The following KMT2E variants were observed in gnomAD, a reference collection of about 807,000 sequenced individuals.
KMT2E encodes histone reader KMT2E.
KMT2E carries 30 observed loss-of-function variants against 184.6 expected under a neutral mutation model. That is an observed-to-expected ratio of 0.16 (90% CI 0.12 to 0.22). The LOEUF (loss-of-function observed/expected upper bound fraction) is 0.22. Among genes scored for constraint, KMT2E ranks in the 10% least tolerant of loss-of-function variants. KMT2E has a pLI of 1.00. For missense variants in KMT2E, 2,023 were observed against 2,237.4 expected (o/e 0.90, Z 1.93); for synonymous variants, 815 against 776.5 (o/e 1.05, Z -0.82).
At chr7:105,111,214 T>G (rs1799243347) in intron 26 of KMT2E, 1 of 204,590 alleles carries the variant, frequency 4.9e-6, no homozygotes, top group Non-Finnish European at 9.8e-6. Flanking sequence ...CATTTTATCA[T>G]TTAAAAGGAA....
chr7:105,063,868 C>T lies in KMT2E; in HGVS notation c.416+288C>T, dbSNP rs561037844. The T allele has an allele frequency of 5.7e-4, 270 of 470,620 alleles. 1 individual carries two copies. Among genetic ancestry groups the T allele is most frequent in the Non-Finnish European group, 9.7e-4 (247 of 253,804 alleles). The allele number at this position is 470,620 out of a possible 1,614,324, so 29.2% of individuals were successfully genotyped here. A position where few individuals can be genotyped will look rare whatever the true frequency, so the allele number is the denominator to read the frequency against. On this transcript the variant is annotated intron_variant, in intron 5 of 26. Coordinates refer to ENST00000311117, the MANE Select transcript of KMT2E (RefSeq NM_182931.3). ...TAGTAGTACAAGTACATAAACATAG[C>T]AGTAGACAAGATAGAAATGAGAGAA...
chr7:105,044,796 T>G (rs1796029959), intron 3 of KMT2E, among the ~76,000 whole-genome samples: 1 of 152,136 alleles, frequency 6.6e-6, no homozygotes, highest in South Asian at 2.1e-4. Flanking sequence ...CTATCACCGA[T>G]TCTAGGCCAG....
chr7:105,017,090 G>A (rs1189276667), intron 1 of KMT2E, among the ~76,000 whole-genome samples: 1 of 152,182 alleles, frequency 6.6e-6, no homozygotes, highest in Admixed American at 6.5e-5. Flanking sequence ...TGTAAAGATT[G>A]TGCATTTATT....
Position 105,112,695 on chromosome 7 carries a change from C to A in KMT2E, c.4939C>A (p.His1647Asn). The A allele has an allele frequency of 6.2e-7, 1 of 1,613,954 alleles. No homozygotes were observed. The highest frequency in any genetic ancestry group is 8.5e-7 in the Non-Finnish European group (1 of 1,179,980). Residue 1647 changes from histidine (H) to asparagine (N), a missense_variant, in exon 27 of 27, where the codon CAT (histidine) becomes AAT (asparagine). Physicochemically the swap from His to Asn is moderately conservative, Grantham distance 68 (BLOSUM62 1). Coordinates refer to ENST00000311117, the MANE Select transcript of KMT2E (RefSeq NM_182931.3). ...GPHLVQQPNS[H>N]QQHSVAHVVG... ...GCACCTTGTACAACAGCCGAATTCC[C>A]ATCAGCAACACTCTGTAGCACATGT... is the stretch of plus-strand genomic sequence containing the variant.
chr7:105,041,295 C>G (rs1321644334), intron 3 of KMT2E, among the ~76,000 whole-genome samples: 1 of 152,104 alleles, frequency 6.6e-6, no homozygotes, highest in African/African-American at 2.4e-5. Context: ...TTCTGAGAAG[C>G]GATACATTTT....
chr7:105,109,022 T>A lies in KMT2E; in HGVS notation c.3549T>A (p.Ser1183Arg). The A allele has an allele frequency of 6.2e-7, 1 of 1,614,146 alleles. No homozygotes were observed. Among genetic ancestry groups the A allele is most frequent in the South Asian group, 1.1e-5 (1 of 91,084 alleles). The change falls in exon 23 of 27, where the codon AGT (serine) becomes AGA (arginine). Residue 1183 changes from serine (S) to arginine (R), a missense_variant. By Grantham distance (110) the Ser-to-Arg change is moderately radical (BLOSUM62 -1). Transcript: ENST00000311117. ...AGACAGAGAACTTTCCACTCATTAG[T>A]GTATCACCCCATGCAAGTGGAAGCT... ...GSKTENFPLI[S>R]VSPHASGSLS...
At chr7:105,042,985 T>C (rs1015766610) in intron 3 of KMT2E, among the ~76,000 whole-genome samples, 1 of 152,122 alleles carries the variant, frequency 6.6e-6, no homozygotes, top group Admixed American at 6.5e-5. Flanking sequence ...AAATTAGAGG[T>C]TTTACCTAAG....
At chr7:105,056,715 TCAGA>T (rs750649533) in intron 3 of KMT2E, among the ~76,000 whole-genome samples, 16 of 152,236 alleles carry the variant, frequency 1.1e-4, no homozygotes, top group Admixed American at 2.6e-4. Context: ...TTAAGGAGCT[TCAGA>T]CAGAGTATTT....
intron 3 of KMT2E, 27 bp downstream of exon 3, chr7:105,041,050 C>CAA (rs58676744): frequency 0.025 from 16,830 of 667,786 alleles, 20 homozygotes; most frequent in South Asian, 0.04. Context: ...GTTACATAAG[C>CAA]AAAAAAAAAA....
At chr7:105,101,150 CT>C (rs1237827395) in intron 15 of KMT2E, among the ~76,000 whole-genome samples, 2 of 151,982 alleles carry the variant, frequency 1.3e-5, no homozygotes, top group Non-Finnish European at 2.9e-5. Context: ...ATTTTTGAGG[CT>C]TTTTTGTTTT....
At chr7:105,091,560 ATAT>A (rs1798205417) in intron 15 of KMT2E, 4 of 573,054 alleles carry the variant, frequency 7.0e-6, no homozygotes, top group Non-Finnish European at 1.2e-5. Context: ...GGAAGTAATA[ATAT>A]TTTAATAATG....
At chr7:105,034,220 G>GTGGT (rs1795541383) in intron 1 of KMT2E, among the ~76,000 whole-genome samples, 1 of 152,106 alleles carries the variant, frequency 6.6e-6, no homozygotes, top group African/African-American at 2.4e-5. Context: ...ACAATGTCCT[G>GTGGT]ACTAGTGTGT....
Position 105,110,462 on chromosome 7 carries a change from C to T in KMT2E, c.3845-15C>T, listed in dbSNP as rs1799175392. The T allele has an allele frequency of 6.2e-7, 1 of 1,614,136 alleles. No individual in the cohort carries two copies. The highest frequency in any genetic ancestry group is 1.3e-5 in the African/African-American group (1 of 75,020). ...CTCTAATGTTCTCTTTGGGTCTGCT[C>T]TGCTTCATCTCTAGGGGGAGAATCA... On this transcript the variant is annotated splice_polypyrimidine_tract_variant and intron_variant, in intron 24 of 26. Coordinates refer to ENST00000311117, the MANE Select transcript of KMT2E (RefSeq NM_182931.3).
chr7:105,089,318 C>T, intron 13 of KMT2E: 2 of 396,522 alleles, frequency 5.0e-6, no homozygotes, highest in South Asian at 3.5e-5. Context: ...CCTGCCTTAG[C>T]CTATCGCGTA....
rs941635042 is a variant in KMT2E at position 105,101,889 on chromosome 7, C to A, written c.1891C>A (p.Gln631Lys). ...IVSDAEVIQE[Q>K]AKEENASKPT... ...ATTCGCTTGTATTTTGAATTAGGAA[C>A]AAGCAAAAGAAGAAAATGCTAGCAA... The change falls in exon 17 of 27, where the codon CAA (glutamine) becomes AAA (lysine). Residue 631 changes from glutamine to lysine, a missense_variant. Transcript: ENST00000311117. 4 of 1,604,910 alleles carry A rather than the reference C, an allele frequency of 2.5e-6. No homozygotes were observed. Among genetic ancestry groups the A allele is most frequent in the African/African-American group, 1.3e-5 (1 of 74,372 alleles).
intron 12 of KMT2E, 100 bp downstream of exon 12, chr7:105,079,063 C>G: frequency 1.5e-6 from 1 of 658,176 alleles, no homozygotes; most frequent in Non-Finnish European, 2.8e-6. Flanking sequence ...AAGACACTTT[C>G]CACCTGTTGG....
intron 3 of KMT2E, among the ~76,000 whole-genome samples, chr7:105,044,143 T>G (rs1796002767): frequency 6.6e-6 from 1 of 152,156 alleles, no homozygotes; most frequent in Non-Finnish European, 1.5e-5. Flanking sequence ...CCAAAAATGT[T>G]CTCTATATTT....
intron 3 of KMT2E, among the ~76,000 whole-genome samples, chr7:105,057,093 A>T (rs1479110598): frequency 6.6e-6 from 1 of 152,248 alleles, no homozygotes. Flanking sequence ...TGAAGCAGTC[A>T]AGAAAGGACT....
chr7:105,024,967 C>A (rs1795112959), intron 1 of KMT2E, among the ~76,000 whole-genome samples: 1 of 152,100 alleles, frequency 6.6e-6, no homozygotes, highest in Non-Finnish European at 1.5e-5. Context: ...ATTAAAATCA[C>A]AGCAGTACAA....
Sources: gnomAD v4.1 joint callset for allele counts (sites outside exome capture counted in the v4.1 genomes callset) on GRCh38, gnomAD v4.1.1 for gene constraint, MANE v1.5 for transcripts, NCBI Gene and HGNC (gene_info 2026-07-23, HGNC 2026-07-21) for gene names.